Variants in SLCO1A2 observed in about 807,000 individuals in gnomAD.
SLCO1A2 encodes solute carrier organic anion transporter family member 1A2, also known as OATP-1.
Under a neutral mutation model 69.0 loss-of-function variants are expected in SLCO1A2, and 67 were observed. The ratio of observed to expected loss-of-function variants is 0.97; its 90% CI spans 0.80 to 1.19. The LOEUF is 1.19. SLCO1A2 is among the 50% of genes most tolerant of loss of function. The pLI, the probability that SLCO1A2 is intolerant of heterozygous loss-of-function variation, is 0.00. For missense variants in SLCO1A2, 787 were observed against 793.7 expected (o/e 0.99, Z 0.10); for synonymous variants, 260 against 265.9 (o/e 0.98, Z 0.22).
chr12:21,367,256 A>T (rs1454017208), intron 2 of SLCO1A2, among the ~76,000 whole-genome samples: 1 of 152,178 alleles, frequency 6.6e-6, no homozygotes. Flanking sequence ...TCAGTCTTTC[A>T]TGTGTCCATT....
chr12:21,345,155 T>G (rs1953211093), intron 2 of SLCO1A2, among the ~76,000 whole-genome samples: 1 of 151,964 alleles, frequency 6.6e-6, no homozygotes, highest in African/African-American at 2.4e-5. Flanking sequence ...TCCTGCTTGG[T>G]TTTGCTAAGT....
At chr12:21,367,911 T>A (rs1939510266) in intron 2 of SLCO1A2, among the ~76,000 whole-genome samples, 1 of 152,112 alleles carries the variant, frequency 6.6e-6, no homozygotes, top group Non-Finnish European at 1.5e-5. Context: ...CTCAAGGTAA[T>A]CAAATAGTTA....
At chr12:21,331,262 A>ATT (rs34663140) in intron 2 of SLCO1A2, among the ~76,000 whole-genome samples, 6 of 151,752 alleles carry the variant, frequency 4.0e-5, no homozygotes, top group South Asian at 2.1e-4. Flanking sequence ...GCTTCTCTAG[A>ATT]TTTTTTTTGG....
intron 1 of SLCO1A2, among the ~76,000 whole-genome samples, chr12:21,390,616 C>T (rs1010705966): frequency 3.3e-5 from 5 of 152,072 alleles, no homozygotes; most frequent in African/African-American, 1.2e-4. Context: ...ACCCAAGCTG[C>T]TACTGCAACA....
intron 1 of SLCO1A2, among the ~76,000 whole-genome samples, chr12:21,392,538 G>C (rs981973314): frequency 2.6e-5 from 4 of 152,142 alleles, no homozygotes; most frequent in African/African-American, 7.2e-5. Flanking sequence ...AGAAAGAATA[G>C]CTTACCTCCC....
At chr12:21,334,498 C>T (rs1591857453) in intron 2 of SLCO1A2, 90 bp downstream of exon 2, 1 of 896,868 alleles carries the variant, frequency 1.1e-6, no homozygotes, top group Non-Finnish European at 1.8e-6. Context: ...TATTAGATCA[C>T]TTCATGCAGA....
At chr12:21,342,928 A>T (rs1953122610) in intron 2 of SLCO1A2, among the ~76,000 whole-genome samples, 1 of 152,200 alleles carries the variant, frequency 6.6e-6, no homozygotes, top group Admixed American at 6.6e-5. Context: ...GAGCAGCTCT[A>T]GGGGGAAAAG....
chr12:21,333,122 T>G (rs1296609318), intron 2 of SLCO1A2, among the ~76,000 whole-genome samples: 1 of 152,114 alleles, frequency 6.6e-6, no homozygotes, highest in Non-Finnish European at 1.5e-5. Context: ...TTCACCTAGT[T>G]TTATAAATCA....
In SLCO1A2 at chr12:21,332,891, T is replaced by C. The variant is rs533012716; in HGVS notation, c.60+1697A>G. Among the ~76,000 whole-genome samples the C allele has an allele frequency of 2.6e-5, 4 of 152,182 alleles. No homozygotes were observed. In the South Asian group the frequency reaches 8.3e-4, roughly 32 times the overall value. ...GGACACATTCACACCACACAATACATCTAAGCCAAAATTTATCAATTATTT... is the reference window on the plus strand; with the variant it reads ...GGACACATTCACACCACACAATACACCTAAGCCAAAATTTATCAATTATTT... On this transcript the variant is annotated intron_variant, in intron 2 of 14. Coordinates refer to ENST00000683939, the MANE Select transcript of SLCO1A2 (RefSeq NM_001386879.1).
At chr12:21,351,038 C>T (rs1937910161) in intron 2 of SLCO1A2, among the ~76,000 whole-genome samples, 1 of 151,996 alleles carries the variant, frequency 6.6e-6, no homozygotes, top group Non-Finnish European at 1.5e-5. Flanking sequence ...ACAGCAACAA[C>T]ACAGCCTGTA....
At chr12:21,337,420 T>C (rs1336989052), upstream of SLCO1A2, among the ~76,000 whole-genome samples, 3 of 151,994 alleles carry the variant, frequency 2.0e-5, no homozygotes, top group Non-Finnish European at 4.4e-5. Flanking sequence ...AATGCTTGTG[T>C]TTAATTTTAC....
intron 4 of SLCO1A2, among the ~76,000 whole-genome samples, chr12:21,309,413 A>G (rs188361619): frequency 5.7e-4 from 87 of 152,312 alleles, no homozygotes; most frequent in Admixed American, 1.7e-3. Context: ...GCTTAAAAGA[A>G]AATTCCAATA....
chr12:21,347,708 A>AGGAAG (rs1953322861), intron 2 of SLCO1A2, among the ~76,000 whole-genome samples: 1 of 24,348 alleles, frequency 4.1e-5, no homozygotes, highest in African/African-American at 1.0e-4. Flanking sequence ...AAGAAGGAAA[A>AGGAAG]AAGGAAGGAA....
intron 2 of SLCO1A2, among the ~76,000 whole-genome samples, chr12:21,340,840 G>A (rs1162340589): frequency 1.3e-5 from 2 of 152,034 alleles, no homozygotes; most frequent in African/African-American, 2.4e-5. Context: ...ATAAGAAAAG[G>A]ATGAAGAGGC....
rs937164998 is a variant in SLCO1A2, at chr12:21,334,625, A to C, written c.23T>G (p.Ile8Ser). ...AAGACATCTTATTCTATGGGTTTCAATTCTTTTCTCAGTTTCTCCCATGTT... is the reference window on the plus strand; with the variant it reads ...AAGACATCTTATTCTATGGGTTTCACTTCTTTTCTCAGTTTCTCCCATGTT... MGETEKR[I>S]ETHRIRCLSK... Residue 8 changes from isoleucine (I) to serine (S), a missense_variant, in exon 2 of 15, where the codon ATT becomes AGT. Transcript: ENST00000683939. 6.2e-7 allele frequency: 1 copy of C among 1,610,618 alleles called. No homozygotes were observed. Among genetic ancestry groups the C allele is most frequent in the African/African-American group, 1.3e-5 (1 of 74,826 alleles).
chr12:21,353,478 A>T (rs1270357120), intron 2 of SLCO1A2, among the ~76,000 whole-genome samples: 3 of 151,858 alleles, frequency 2.0e-5, no homozygotes, highest in Non-Finnish European at 4.4e-5. Flanking sequence ...CTCAGAAAAA[A>T]AAAAAAGAAA....
intron 2 of SLCO1A2, among the ~76,000 whole-genome samples, chr12:21,373,922 G>A (rs2137095980): frequency 6.6e-6 from 1 of 152,222 alleles, no homozygotes; most frequent in Middle Eastern, 3.4e-3. Flanking sequence ...ATAATCAGGA[G>A]CAAATTAATG....
rs147712903 is a variant in SLCO1A2 at position 21,357,125 on chromosome 12, C to G, written c.-63+17274G>C. Reference sequence around the variant, plus strand: ...AAAACCTTTATGGGTTGAACTGTGTCCCTGCAAAATGCATCTGTTGAAGTC... The same window carrying G: ...AAAACCTTTATGGGTTGAACTGTGTGCCTGCAAAATGCATCTGTTGAAGTC... On this transcript the variant is annotated intron_variant, in intron 2 of 15. Transcript: ENST00000307378. 4.5e-4 allele frequency among the ~76,000 whole-genome samples: 68 copies of G among 152,230 alleles called. No individual in the cohort carries two copies. In the East Asian group the frequency reaches 0.012, roughly 27 times the overall value.
At chr12:21,402,135 A>C (rs1176730859) in intron 1 of SLCO1A2, among the ~76,000 whole-genome samples, 6 of 150,166 alleles carry the variant, frequency 4.0e-5, no homozygotes, top group Admixed American at 2.7e-4. Context: ...TTTAAAAAAG[A>C]CAAAAAAAAA....
Sources: allele counts gnomAD v4.1 joint callset (sites outside exome capture counted in the v4.1 genomes callset), GRCh38; gene constraint gnomAD v4.1.1; transcripts MANE v1.5; gene names NCBI Gene and HGNC (gene_info 2026-07-23, HGNC 2026-07-21).